PLXNB1: variants seen among roughly 807,000 people sequenced by gnomAD.
The protein encoded by PLXNB1 is plexin B1.
Under a neutral mutation model 209.4 loss-of-function variants are expected in PLXNB1, and 106 were observed. That is an observed-to-expected ratio of 0.51 (90% CI 0.43 to 0.59). The LOEUF (loss-of-function observed/expected upper bound fraction) is 0.59. Ranked by LOEUF, PLXNB1 falls within the 20% of genes least tolerant of loss-of-function variation. PLXNB1 has a pLI of 0.00. For synonymous variants in PLXNB1, 1,167 were observed against 1,183.2 expected (o/e 0.99, Z 0.28); for missense variants, 2,357 against 2,853.2 (o/e 0.83, Z 3.96).
At chr3:48,414,222 C>T (rs1419652471) in intron 21 of PLXNB1, 151 bp from the exon 22 acceptor site, 1 of 662,402 alleles carries the variant, frequency 1.5e-6, no homozygotes, top group Non-Finnish European at 2.6e-6. Flanking sequence ...CACACGGTGT[C>T]CTCCAAGCTG....
At chr3:48,422,079 G>C (rs771239536) in intron 6 of PLXNB1, 26 bp downstream of exon 6, 3 of 1,585,558 alleles carry the variant, frequency 1.9e-6, no homozygotes, top group African/African-American at 2.7e-5. Flanking sequence ...TTGAGGCTGG[G>C]GCTGGGATGG....
At position 48,406,747 on chromosome 3, in the gene PLXNB1, AG is replaced by A; in HGVS notation, c.6228+75del. On this transcript the variant is annotated intron_variant, in intron 36 of 37. Transcript: ENST00000296440. The surrounding 1 kb of genome is among the most constrained non-coding windows in gnomAD (Gnocchi z 4.4). ...GAGGTTCCCAAGGGCTTCCCTGCAA[AG>A]GGGCAGTGTGAAGGGGGAAGGACCG... The A allele has an allele frequency of 1.3e-6, 2 of 1,515,016 alleles. No homozygotes were observed. The highest frequency in any genetic ancestry group is 1.8e-6 in the Non-Finnish European group (2 of 1,125,914). 93.8% of individuals were successfully genotyped at this position (1,515,016 alleles called of 1,614,324 possible).
rs1375810306 is a variant in PLXNB1, at chr3:48,419,837, C to T, written c.2449G>A (p.Asp817Asn). 5.7e-6 allele frequency: 9 copies of T among 1,576,974 alleles called. No individual in the cohort carries two copies. The highest frequency in any genetic ancestry group is 7.8e-6 in the Non-Finnish European group (9 of 1,160,150). The change falls in exon 11 of 38, where the codon GAC becomes AAC. Residue 817 changes from aspartate to asparagine, a missense_variant. Physicochemically the swap from Asp to Asn is conservative, Grantham distance 23. This residue lies in a region of PLXNB1 where 410 missense variants were observed against 401.0 expected (regional missense o/e 1.02). Coordinates refer to ENST00000296440, the MANE Select transcript of PLXNB1 (RefSeq NM_001130082.3). This position sits in a 1 kb window ranked among gnomAD's most constrained non-coding sequence, Gnocchi z 5.7. The stretch of plus-strand genomic sequence containing the variant: ...GCAGGAACAGTGGCAGGGGGCAGGT[C>T]CAGGGGCACTGTGGGATGAAGAGCC... ...PEALHPTVPL[D>N]LPPATVPATT...
rs377629382 is a variant in PLXNB1 at position 48,418,989 on chromosome 3, C to T, written c.2883G>A (p.Val961=). 1 of 1,613,930 alleles carries T rather than the reference C, an allele frequency of 6.2e-7. No homozygotes were observed. The highest frequency in any genetic ancestry group is 1.3e-5 in the African/African-American group (1 of 74,898). Residue 961 remains valine, a synonymous_variant, in exon 13 of 38, where the codon GTG becomes GTA. Coordinates refer to ENST00000296440, the MANE Select transcript of PLXNB1 (RefSeq NM_001130082.3). This position sits in a 1 kb window ranked among gnomAD's most constrained non-coding sequence, Gnocchi z 6.6. ...CACACTCGACCCGGGCCTCAACCAC[C>T]ACCTCGAGGCCCTCCAGCTCCATCA... is the stretch of plus-strand genomic sequence containing the variant. ...ECVMELEGLE[V]VVEARVECEP... is the part of the protein sequence containing the mutation.
chr3:48,404,642 G>C, intron 37 of PLXNB1, 52 bp from the exon 38 acceptor site: 1 of 1,300,716 alleles, frequency 7.7e-7, no homozygotes, highest in South Asian at 1.3e-5. Flanking sequence ...CAACGTGTTT[G>C]CTGCAAAATT....
Position 48,409,880 on chromosome 3 carries a change from C to T in PLXNB1, c.5778+25G>A. The stretch of plus-strand genomic sequence containing the variant: ...CCATGCTCCCTCTCAGCCCAGGCCC[C>T]ACTACCTTGGCAGCCCCACCCCACC... On this transcript the variant is annotated intron_variant, in intron 32 of 37. Transcript: ENST00000296440. This position sits in a 1 kb window ranked among gnomAD's most constrained non-coding sequence, Gnocchi z 5.8. The T allele has an allele frequency of 1.3e-6, 2 of 1,565,274 alleles. No homozygotes were observed. The highest frequency in any genetic ancestry group is 1.9e-5 in the Admixed American group (1 of 54,006).
rs1166591503 is a variant in PLXNB1, at chr3:48,425,805, AAC to A, written c.-59-474_-59-473del. Among the ~76,000 whole-genome samples, 393 of 145,398 alleles carry A rather than the reference AAC, an allele frequency of 2.7e-3. 3 individuals are homozygous for A. Among genetic ancestry groups the A allele is most frequent in the South Asian group, 0.018 (79 of 4,356 alleles). On this transcript the variant is annotated intron_variant, in intron 1 of 37. Transcript: ENST00000296440. ...ACCCACCCTGTATGTATATGCCTAC[AAC>A]ACACACACACACACACACACACACA... is the stretch of plus-strand genomic sequence containing the variant.
At chr3:48,414,154 C>G (rs1345749621) in intron 21 of PLXNB1, 83 bp from the exon 22 acceptor site, 3 of 1,372,876 alleles carry the variant, frequency 2.2e-6, no homozygotes, top group Non-Finnish European at 3.1e-6. Flanking sequence ...GACCCTGAGA[C>G]CCAGCCGCAG....
In PLXNB1 at chr3:48,424,628, G is replaced by C; in HGVS notation, c.-6-11C>G. 1 of 1,532,790 alleles carries C rather than the reference G, an allele frequency of 6.5e-7. No individual in the cohort carries two copies. Among genetic ancestry groups the C allele is most frequent in the Non-Finnish European group, 8.7e-7 (1 of 1,144,610 alleles). The allele number at this position is 1,532,790 out of a possible 1,614,324, so 94.9% of individuals were successfully genotyped here. On this transcript the variant is annotated splice_polypyrimidine_tract_variant and intron_variant, in intron 2 of 37. Transcript: ENST00000296440. ...AGCAGGCATGGTCACCTGGCAGGAAGAGAGGTCGAGAGAGTGGGGCTCACG... is the reference window on the plus strand; with the variant it reads ...AGCAGGCATGGTCACCTGGCAGGAACAGAGGTCGAGAGAGTGGGGCTCACG...
At chr3:48,424,713 G>C in intron 2 of PLXNB1, 96 bp from the exon 3 acceptor site, 22 of 1,303,794 alleles carry the variant, frequency 1.7e-5, no homozygotes, top group Non-Finnish European at 2.3e-5. Context: ...TTGCCAAGAT[G>C]CTCCTCCTAA....
At position 48,413,861 on chromosome 3, in the gene PLXNB1, A is replaced by G; in HGVS notation, c.4386+34T>C. 1.9e-6 allele frequency: 3 copies of G among 1,607,996 alleles called. No individual in the cohort carries two copies. The highest frequency in any genetic ancestry group is 2.2e-5 in the South Asian group (2 of 90,802). On this transcript the variant is annotated intron_variant, in intron 22 of 37. Transcript: ENST00000296440. This position sits in a 1 kb window ranked among gnomAD's most constrained non-coding sequence, Gnocchi z 5.4. ...TGTGAGCAAGGGTTTGGCCCAGGTC[A>G]ATGCCCAGCCCGGCCAGGGACCTGC...
rs766760158 is a variant in PLXNB1 at position 48,420,128 on chromosome 3, T to C, written c.2158A>G (p.Thr720Ala). ...GCCCCAGGTGAGATGTCCGAAGCTG[T>C]GGCTGTGGAGGGAGCCCCAGGCTCC... ...PVEPGAPSTA[T>A]ASDISPGASP... is the part of the protein sequence containing the mutation. Residue 720 changes from threonine to alanine, a missense_variant, in exon 11 of 38, where the codon ACA becomes GCA. This residue lies in a region of PLXNB1 where 410 missense variants were observed against 401.0 expected (regional missense o/e 1.02). Coordinates refer to ENST00000296440, the MANE Select transcript of PLXNB1 (RefSeq NM_001130082.3). 2.1e-6 allele frequency: 3 copies of C among 1,396,152 alleles called. No homozygotes were observed. The highest frequency in any genetic ancestry group is 1.9e-6 in the Non-Finnish European group (2 of 1,047,944). 86.5% of individuals were successfully genotyped at this position (1,396,152 alleles called of 1,614,324 possible). A position where few individuals can be genotyped will look rare whatever the true frequency, so the allele number is the denominator to read the frequency against.
Position 48,413,012 on chromosome 3 carries a change from G to T in PLXNB1, c.4637-53C>A, listed in dbSNP as rs987105657. 6.2e-7 allele frequency: 1 copy of T among 1,603,190 alleles called. No homozygotes were observed. Among genetic ancestry groups the T allele is most frequent in the African/African-American group, 1.3e-5 (1 of 74,732 alleles). On this transcript the variant is annotated intron_variant, in intron 24 of 37. Transcript: ENST00000296440. This position sits in a 1 kb window ranked among gnomAD's most constrained non-coding sequence, Gnocchi z 5.4. The stretch of plus-strand genomic sequence containing the variant: ...CACCTGTTAAGCACCAATCCCGTGT[G>T]ATGGGAGTGGGTTTGGGCAGAGTTC...
intron 6 of PLXNB1, 138 bp downstream of exon 6, chr3:48,421,967 G>C: frequency 1.5e-6 from 2 of 1,317,356 alleles, no homozygotes; most frequent in Non-Finnish European, 2.1e-6. Flanking sequence ...CAGTGCAGAG[G>C]ATGGGGGTGA....
In PLXNB1 at chr3:48,410,142, T is replaced by A; in HGVS notation, c.5606-65A>T. On this transcript the variant is annotated intron_variant, in intron 31 of 37. Transcript: ENST00000296440. This position sits in a 1 kb window ranked among gnomAD's most constrained non-coding sequence, Gnocchi z 6.4. ...CCACCTCCCCAGGCCCCCTGTTTCTTGCCAGCTCTCCCAGGGGTGGGGGCA... is the reference window on the plus strand; with the variant it reads ...CCACCTCCCCAGGCCCCCTGTTTCTAGCCAGCTCTCCCAGGGGTGGGGGCA... 1 of 1,514,418 alleles carries A rather than the reference T, an allele frequency of 6.6e-7. No individual in the cohort carries two copies. The allele number at this position is 1,514,418 out of a possible 1,614,324, so 93.8% of individuals were successfully genotyped here.
chr3:48,428,775 T>C (rs1291363202), intron 1 of PLXNB1, among the ~76,000 whole-genome samples: 2 of 152,126 alleles, frequency 1.3e-5, no homozygotes, highest in Admixed American at 6.5e-5. Context: ...CGCTCATCGA[T>C]CACCCACTTA....
In PLXNB1 at chr3:48,423,037, C is replaced by A. The variant is rs899366336; in HGVS notation, c.1108-90G>T. 1.2e-5 allele frequency: 14 copies of A among 1,149,306 alleles called. No homozygotes were observed. The South Asian group carries it at 1.9e-4, about 16-fold the overall frequency. The allele number at this position is 1,149,306 out of a possible 1,614,324, so 71.2% of individuals were successfully genotyped here. On this transcript the variant is annotated intron_variant, in intron 3 of 37. Coordinates refer to ENST00000296440, the MANE Select transcript of PLXNB1 (RefSeq NM_001130082.3). ...GGACAACCTCATTCCCTCCCCCAGCCGCTCTGGTAGCTCTCCCTGTACAAC... is the reference window on the plus strand; with the variant it reads ...GGACAACCTCATTCCCTCCCCCAGCAGCTCTGGTAGCTCTCCCTGTACAAC...
Position 48,415,696 on chromosome 3 carries a change from C to A in PLXNB1, c.3681G>T (p.Thr1227=), listed in dbSNP as rs202215455. ...CCCCAAACCACACAGCCACAGGGAG[C>A]GTGGCAGGCGTGGGGCGTGGGCTGG... ...CETSPRPTPA[T]LPVAVWFGAT... The change falls in exon 19 of 38, where the codon ACG becomes ACT. Residue 1227 remains threonine (T), a synonymous_variant. Transcript: ENST00000296440. The surrounding 1 kb of genome is among the most constrained non-coding windows in gnomAD (Gnocchi z 5.0). 1.3e-6 allele frequency: 2 copies of A among 1,555,166 alleles called. No individual in the cohort carries two copies. The highest frequency in any genetic ancestry group is 1.2e-5 in the South Asian group (1 of 84,310).
In PLXNB1 at chr3:48,415,894, T is replaced by G. The variant is rs191338816; in HGVS notation, c.3618-135A>C. ...CCTGGAGGTGCACTCCCACCACAGC[T>G]GGCTAGGGAGGGTCTGGCCACTCTC... On this transcript the variant is annotated intron_variant, in intron 18 of 37. Coordinates refer to ENST00000296440, the MANE Select transcript of PLXNB1 (RefSeq NM_001130082.3). The surrounding 1 kb of genome is among the most constrained non-coding windows in gnomAD (Gnocchi z 5.0). 2.2e-6 allele frequency: 3 copies of G among 1,343,130 alleles called. No individual in the cohort carries two copies. The East Asian group carries it at 7.6e-5, about 34-fold the overall frequency. 83.2% of individuals were successfully genotyped at this position (1,343,130 alleles called of 1,614,324 possible). A position where few individuals can be genotyped will look rare whatever the true frequency, so the allele number is the denominator to read the frequency against.
Sources: gnomAD v4.1 joint callset for allele counts (sites outside exome capture counted in the v4.1 genomes callset) on GRCh38, gnomAD v4.1.1 for gene constraint, gnomAD v4.1.1 regional missense constraint, Gnocchi (gnomAD v3.1) non-coding constraint, MANE v1.5 for transcripts, NCBI Gene and HGNC (gene_info 2026-07-23, HGNC 2026-07-21) for gene names.